Variants in ATXN7L1 observed in about 807,000 individuals in gnomAD.
ATXN7L1 encodes ataxin-7-like protein 1.
ATXN7L1 carries 15 observed loss-of-function variants against 70.8 expected under a neutral mutation model. The ratio of observed to expected loss-of-function variants is 0.21; its 90% CI spans 0.14 to 0.33. The LOEUF (loss-of-function observed/expected upper bound fraction) is 0.33. Among genes scored for constraint, ATXN7L1 ranks in the 10% least tolerant of loss-of-function variants. ATXN7L1 has a pLI of 1.00. For missense variants in ATXN7L1, 975 were observed against 1,097.1 expected (o/e 0.89, Z 1.57); for synonymous variants, 440 against 445.1 (o/e 0.99, Z 0.14).
intron 2 of ATXN7L1, among the ~76,000 whole-genome samples, chr7:105,830,887 G>T (rs1204466635): frequency 1.3e-5 from 2 of 152,218 alleles, no homozygotes; most frequent in Non-Finnish European, 2.9e-5. Flanking sequence ...GAAAAGGCAG[G>T]GTTCACAGAG....
intron 2 of ATXN7L1, among the ~76,000 whole-genome samples, chr7:105,863,548 G>A (rs1585181921): frequency 6.6e-6 from 1 of 152,202 alleles, no homozygotes; most frequent in East Asian, 1.9e-4. Context: ...TGTCCTGGGT[G>A]CCTGCTTGCT....
chr7:105,837,346 T>G (rs1179653976), intron 2 of ATXN7L1, among the ~76,000 whole-genome samples: 2 of 151,880 alleles, frequency 1.3e-5, no homozygotes, highest in Non-Finnish European at 2.9e-5. Context: ...TGCCCTAAGA[T>G]GCACCATTAT....
intron 2 of ATXN7L1, among the ~76,000 whole-genome samples, chr7:105,844,990 A>G (rs1169536880): frequency 6.6e-6 from 1 of 152,088 alleles, no homozygotes; most frequent in Non-Finnish European, 1.5e-5. Context: ...GGATCACCTG[A>G]GGTCAGAAGT....
chr7:105,619,093 A>C (rs1794356410), intron 9 of ATXN7L1, among the ~76,000 whole-genome samples: 1 of 150,814 alleles, frequency 6.6e-6, no homozygotes, highest in Non-Finnish European at 1.5e-5. Context: ...CAGGACAGCA[A>C]ACAACTAGAA....
In ATXN7L1 at chr7:105,618,607, CTTCTGTTCCCTCCCGTT is replaced by C. The variant is rs1794277379; in HGVS notation, c.1517+1576_1517+1592del. ...ATCCTGGAAGAGGGGCAAATTTTGA[CTTCTGTTCCCTCCCGTT>C]TCTTAGGAATCCCTTCCTTGCCTCT... On this transcript the variant is annotated intron_variant, in intron 9 of 11. Coordinates refer to ENST00000419735, the MANE Select transcript of ATXN7L1 (RefSeq NM_020725.2). Among the ~76,000 whole-genome samples, 3 of 152,132 alleles carry C rather than the reference CTTCTGTTCCCTCCCGTT, an allele frequency of 2.0e-5. No homozygotes were observed. In the South Asian group the frequency reaches 6.2e-4, roughly 32 times the overall value.
intron 3 of ATXN7L1, among the ~76,000 whole-genome samples, chr7:105,782,378 C>A (rs1803656985): frequency 1.3e-5 from 2 of 152,194 alleles, no homozygotes; most frequent in African/African-American, 4.8e-5. Flanking sequence ...CCCTTGAAAT[C>A]CTAGATCTCG....
intron 9 of ATXN7L1, among the ~76,000 whole-genome samples, chr7:105,619,522 ATATATATATTTTTTTTTTTT>A (rs1794564868): frequency 5.0e-5 from 1 of 20,130 alleles, no homozygotes; most frequent in East Asian, 1.4e-3. Context: ...ATATATATAT[ATATATATATTTTTTTTTTTT>A]TTTTTTTTTT....
At chr7:105,724,107 C>A (rs1049567496) in intron 3 of ATXN7L1, among the ~76,000 whole-genome samples, 2 of 152,146 alleles carry the variant, frequency 1.3e-5, no homozygotes, top group African/African-American at 4.8e-5. Context: ...CTTACAACAA[C>A]AGAAATTTAG....
intron 2 of ATXN7L1, among the ~76,000 whole-genome samples, chr7:105,844,614 A>G (rs1813701776): frequency 6.6e-6 from 1 of 152,232 alleles, no homozygotes; most frequent in Non-Finnish European, 1.5e-5. Flanking sequence ...GCCCACAGTT[A>G]ATATCATACT....
At chr7:105,664,575 G>GTGTATGTATGTATATGTATATATATATA in intron 4 of ATXN7L1, among the ~76,000 whole-genome samples, 1 of 131,988 alleles carries the variant, frequency 7.6e-6, no homozygotes, top group African/African-American at 2.8e-5. Context: ...GTATGTGTGT[G>GTGTATGTATGTATATGTATATATATATA]TATATATATA....
chr7:105,797,584 T>A (rs75325341), intron 2 of ATXN7L1, among the ~76,000 whole-genome samples: 3,439 of 152,354 alleles, frequency 0.023, 131 homozygotes, highest in African/African-American at 0.079. Context: ...AAGTTCAAAT[T>A]TGGCATTTGG....
chr7:105,608,353 C>G (rs2115692464), intron 11 of ATXN7L1, among the ~76,000 whole-genome samples: 1 of 152,282 alleles, frequency 6.6e-6, no homozygotes, highest in South Asian at 2.1e-4. Context: ...GTGTAGCCAT[C>G]TTCATCTGTA....
chr7:105,757,650 G>C (rs2116402642), intron 3 of ATXN7L1, among the ~76,000 whole-genome samples: 1 of 140,288 alleles, frequency 7.1e-6, no homozygotes, highest in African/African-American at 2.7e-5. Flanking sequence ...CACGGTCACA[G>C]CTCACTACAG....
intron 3 of ATXN7L1, among the ~76,000 whole-genome samples, chr7:105,684,343 A>C (rs1033804927): frequency 6.6e-6 from 1 of 152,316 alleles, no homozygotes. Flanking sequence ...TTTACAAAGC[A>C]TCATTTTCAT....
rs75657299 is a variant in ATXN7L1, at chr7:105,784,604, C to T, written c.355+4000G>A. 0.022 allele frequency among the ~76,000 whole-genome samples: 3,280 copies of T among 152,012 alleles called. 183 individuals carry two copies. The East Asian group carries it at 0.25, about 12-fold the overall frequency. ...AACAGAGTTTTGTGGCTGTTCAGCA[C>T]GAAGAACTGCATCCAGCTGGGGGCG... On this transcript the variant is annotated intron_variant, in intron 3 of 11. Transcript: ENST00000419735.
At chr7:105,825,894 T>C (rs1276448974) in intron 2 of ATXN7L1, among the ~76,000 whole-genome samples, 1 of 152,134 alleles carries the variant, frequency 6.6e-6, no homozygotes, top group African/African-American at 2.4e-5. Flanking sequence ...AAGCTTGATG[T>C]AACCACATAC....
intron 2 of ATXN7L1, among the ~76,000 whole-genome samples, chr7:105,790,642 CTATCTATCTATCATCTATCTACT>C (rs1563095325): frequency 9.2e-6 from 1 of 108,490 alleles, no homozygotes; most frequent in East Asian, 3.9e-4. Flanking sequence ...ATCTATCTAT[CTATCTATCTATCATCTATCTACT>C]ATCTATCTAC....
At chr7:105,793,672 T>G (rs537797026) in intron 2 of ATXN7L1, among the ~76,000 whole-genome samples, 2 of 152,286 alleles carry the variant, frequency 1.3e-5, no homozygotes, top group African/African-American at 4.8e-5. Context: ...CCAAACACAA[T>G]GTACAACCAT....
chr7:105,847,060 A>G (rs1443395907), intron 2 of ATXN7L1, among the ~76,000 whole-genome samples: 3 of 152,234 alleles, frequency 2.0e-5, no homozygotes, highest in Non-Finnish European at 2.9e-5. Flanking sequence ...ACTTGTGAAT[A>G]TATTAATACC....
Sources: allele counts gnomAD v4.1 joint callset (sites outside exome capture counted in the v4.1 genomes callset), GRCh38; gene constraint gnomAD v4.1.1; transcripts MANE v1.5; gene names NCBI Gene and HGNC (gene_info 2026-07-23, HGNC 2026-07-21).